Variants in DEDD2 observed in about 807,000 individuals in gnomAD.
DEDD2 encodes DNA-binding death effector domain-containing protein 2.
In DEDD2, 18 loss-of-function variants were observed where a neutral mutation model predicts 28.9. The ratio of observed to expected loss-of-function variants is 0.62; its 90% CI spans 0.43 to 0.92. The LOEUF is 0.92. Among genes scored for constraint, DEDD2 ranks in the 40% least tolerant of loss-of-function variants. DEDD2 has a pLI of 0.00. For missense variants in DEDD2, 411 were observed against 463.3 expected (o/e 0.89, Z 1.04); for synonymous variants, 211 against 206.1 (o/e 1.02, Z -0.20).
chr19:42,206,612 G>T (rs1043555552), intron 4 of DEDD2, among the ~76,000 whole-genome samples: 1 of 152,104 alleles, frequency 6.6e-6, no homozygotes, highest in African/African-American at 2.4e-5. Context: ...GAGAATTCAG[G>T]GCCGAGTAGT....
At chr19:42,202,187 A>G (rs1434007400) in intron 4 of DEDD2, 2 of 398,054 alleles carry the variant, frequency 5.0e-6, no homozygotes, top group Non-Finnish European at 8.9e-6. Context: ...TCCCAGAAAC[A>G]GGAACTGTAA....
chr19:42,199,286 G>T lies in DEDD2; in HGVS notation c.*152C>A. 1 of 1,172,288 alleles carries T rather than the reference G, an allele frequency of 8.5e-7. No individual in the cohort carries two copies. Among genetic ancestry groups the T allele is most frequent in the Non-Finnish European group, 1.2e-6 (1 of 861,518 alleles). The allele number at this position is 1,172,288 out of a possible 1,614,324, so 72.6% of individuals were successfully genotyped here. ...GTTTAGGCCTCAGAGCCCACATCCT[G>T]TGGGAGGGGCTGTCAAGGGGCCTGC... On this transcript the variant is annotated 3_prime_UTR_variant, in exon 5 of 5. Transcript: ENST00000596251. The surrounding 1 kb of genome is among the most constrained non-coding windows in gnomAD (Gnocchi z 7.4).
Position 42,209,858 on chromosome 19 carries a change from G to T in DEDD2, c.449-18C>A. On this transcript the variant is annotated intron_variant, in intron 3 of 4. Coordinates refer to ENST00000596251, the MANE Select transcript of DEDD2 (RefSeq NM_133328.4). Reference sequence around the variant, plus strand: ...GGGGGAGCCTGAGGGGAAAAAAATGGGGCAAGTTGAGGACCAGGATGACAG... The same window carrying T: ...GGGGGAGCCTGAGGGGAAAAAAATGTGGCAAGTTGAGGACCAGGATGACAG... 1 of 1,505,444 alleles carries T rather than the reference G, an allele frequency of 6.6e-7. No individual in the cohort carries two copies. Among genetic ancestry groups the T allele is most frequent in the Non-Finnish European group, 8.9e-7 (1 of 1,128,426 alleles). 93.3% of individuals were successfully genotyped at this position (1,505,444 alleles called of 1,614,324 possible).
At position 42,216,675 on chromosome 19, in the gene DEDD2, C is replaced by G. The variant is rs901970593; in HGVS notation, c.328+5G>C. 1 of 1,559,126 alleles carries G rather than the reference C, an allele frequency of 6.4e-7. No homozygotes were observed. Among genetic ancestry groups the G allele is most frequent in the Admixed American group, 2.0e-5 (1 of 49,084 alleles). On this transcript the variant is annotated splice_donor_5th_base_variant and intron_variant, in intron 2 of 4. Coordinates refer to ENST00000596251, the MANE Select transcript of DEDD2 (RefSeq NM_133328.4). ...GAAGTGTGACACCCTCCCATTCAAC[C>G]GTACCTGGCCGGCGCCGCTTGCGCG...
chr19:42,218,497 G>T (rs1164743816), upstream of DEDD2, among the ~76,000 whole-genome samples: 2 of 152,136 alleles, frequency 1.3e-5, no homozygotes, highest in African/African-American at 4.8e-5. Context: ...AACAACTAGA[G>T]AGGGTCTGTC....
intron 3 of DEDD2, among the ~76,000 whole-genome samples, chr19:42,214,035 CA>C (rs1392350131): frequency 6.6e-6 from 1 of 152,064 alleles, no homozygotes; most frequent in Non-Finnish European, 1.5e-5. Context: ...AAGGGTTCAA[CA>C]AAAAAATCCA....
intron 4 of DEDD2, 28 bp downstream of exon 4, chr19:42,209,672 T>C (rs763121030): frequency 5.6e-6 from 9 of 1,597,972 alleles, no homozygotes; most frequent in Non-Finnish European, 6.0e-6. Context: ...GCACTCTACA[T>C]GCATTGCCAA....
At chr19:42,218,386 A>G (rs984352862), upstream of DEDD2, among the ~76,000 whole-genome samples, 3 of 151,478 alleles carry the variant, frequency 2.0e-5, no homozygotes, top group African/African-American at 4.9e-5. Flanking sequence ...CACGACCCCC[A>G]TCACAGTCAG....
intron 4 of DEDD2, chr19:42,201,837 C>T: frequency 2.5e-6 from 1 of 395,530 alleles, no homozygotes; most frequent in Non-Finnish European, 4.5e-6. Flanking sequence ...CGACCAGATC[C>T]TTGACTGCAT....
intron 1 of DEDD2, 29 bp from the exon 2 acceptor site, chr19:42,217,074 G>T: frequency 1.3e-6 from 2 of 1,486,318 alleles, no homozygotes; most frequent in Non-Finnish European, 9.2e-7. Context: ...GGAGGGGGCA[G>T]TGGTCAGCGA....
chr19:42,214,613 A>C (rs1160294050), intron 3 of DEDD2, among the ~76,000 whole-genome samples: 1 of 152,032 alleles, frequency 6.6e-6, no homozygotes, highest in Non-Finnish European at 1.5e-5. Flanking sequence ...GGATGAAAAA[A>C]TTAGCCAGGC....
chr19:42,208,665 T>G (rs563869740), intron 4 of DEDD2, among the ~76,000 whole-genome samples: 8 of 152,188 alleles, frequency 5.3e-5, no homozygotes, highest in Non-Finnish European at 1.0e-4. Context: ...GGCCCCAGCC[T>G]GGCTCCTCCA....
chr19:42,217,603 G>A (rs1195652472), intron 1 of DEDD2, 29 bp downstream of exon 1: 1 of 156,618 alleles, frequency 6.4e-6, no homozygotes, highest in African/African-American at 2.4e-5. Flanking sequence ...CCCGCCACCA[G>A]TCACCATTAG....
chr19:42,198,700 T>C lies in DEDD2; in HGVS notation c.*738A>G, dbSNP rs2035202077. On this transcript the variant is annotated 3_prime_UTR_variant, in exon 5 of 5. Transcript: ENST00000596251. The stretch of plus-strand genomic sequence containing the variant: ...TGCATTCCCTTTCCAAGAAGGTGGC[T>C]GTTTACTGGTTTTGGCCCCATGTGC... 6.6e-6 allele frequency: 1 copy of C among 152,324 alleles called. No individual in the cohort carries two copies. The allele number at this position is 152,324 out of a possible 1,614,324, so 9.4% of individuals were successfully genotyped here. A position where few individuals can be genotyped will look rare whatever the true frequency, so the allele number is the denominator to read the frequency against.
chr19:42,213,120 G>A (rs2146898061), intron 3 of DEDD2, among the ~76,000 whole-genome samples: 1 of 152,230 alleles, frequency 6.6e-6, no homozygotes. Context: ...AGCACACAAA[G>A]AATGATACAA....
At chr19:42,209,385 T>C (rs1164446111) in intron 4 of DEDD2, among the ~76,000 whole-genome samples, 3 of 152,164 alleles carry the variant, frequency 2.0e-5, no homozygotes, top group Admixed American at 6.5e-5. Flanking sequence ...CCCCGTGATA[T>C]GCTGCCACTG....
At chr19:42,211,699 A>G (rs2035771937) in intron 3 of DEDD2, among the ~76,000 whole-genome samples, 1 of 152,184 alleles carries the variant, frequency 6.6e-6, no homozygotes. Flanking sequence ...AATCAAACAA[A>G]CCCACATCTT....
chr19:42,206,209 G>C (rs2035528600), intron 4 of DEDD2, among the ~76,000 whole-genome samples: 1 of 149,194 alleles, frequency 6.7e-6, no homozygotes, highest in Non-Finnish European at 1.5e-5. Flanking sequence ...ATCTGCCCTG[G>C]TTCCCTCTCC....
At chr19:42,201,894 G>A in intron 4 of DEDD2, 1 of 397,634 alleles carries the variant, frequency 2.5e-6, no homozygotes, top group Non-Finnish European at 4.4e-6. Context: ...CAATGTGGGT[G>A]GGAGAGCAGG....
Sources: allele counts gnomAD v4.1 joint callset (sites outside exome capture counted in the v4.1 genomes callset), GRCh38; gene constraint gnomAD v4.1.1; non-coding constraint Gnocchi (gnomAD v3.1); transcripts MANE v1.5; gene names NCBI Gene and HGNC (gene_info 2026-07-23, HGNC 2026-07-21).